Variants in CCDC47 observed in about 807,000 individuals in gnomAD.
CCDC47 encodes the protein coiled-coil domain containing 47.
A neutral mutation model predicts 60.5 loss-of-function variants in CCDC47; 41 were observed. The ratio of observed to expected loss-of-function variants is 0.68; its 90% CI spans 0.53 to 0.88. The LOEUF is 0.88. Ranked by LOEUF, CCDC47 falls within the 40% of genes least tolerant of loss-of-function variation. The probability of loss-of-function intolerance (pLI) is 0.00; values close to 1 mark genes in which losing one functional copy is unlikely to be tolerated. For synonymous variants in CCDC47, 195 were observed against 190.7 expected (o/e 1.02, Z -0.18); for missense variants, 513 against 580.9 (o/e 0.88, Z 1.20).
chr17:63,765,342 T>C (rs969327386), intron 2 of CCDC47, among the ~76,000 whole-genome samples: 5 of 151,496 alleles, frequency 3.3e-5, no homozygotes, highest in African/African-American at 1.2e-4. Context: ...AAGTTTTTTC[T>C]TTTCTTTTTT....
At chr17:63,763,840 T>A (rs1221984111) in intron 4 of CCDC47, among the ~76,000 whole-genome samples, 176 bp downstream of exon 4, 1 of 148,016 alleles carries the variant, frequency 6.8e-6, no homozygotes, top group Admixed American at 6.8e-5. Flanking sequence ...GTAATAATAA[T>A]AATAAAATTA....
intron 3 of CCDC47, 144 bp from the exon 4 acceptor site, chr17:63,764,334 G>C: frequency 1.6e-6 from 1 of 629,318 alleles, no homozygotes; most frequent in East Asian, 2.9e-5. Context: ...TTGAAAAATA[G>C]GTCCATTTTA....
intron 6 of CCDC47, among the ~76,000 whole-genome samples, chr17:63,759,305 A>G (rs1171020772): frequency 6.7e-6 from 1 of 150,360 alleles, no homozygotes; most frequent in Non-Finnish European, 1.5e-5. Flanking sequence ...CCTGACCAAC[A>G]TGGTGAAACC....
rs749968136 is a variant in CCDC47 at position 63,754,488 on chromosome 17, T to G, written c.979A>C (p.Lys327Gln). Residue 327 changes from lysine to glutamine, a missense_variant, in exon 9 of 13, where the codon AAG becomes CAG. Lys to Gln is a moderately conservative substitution (Grantham distance 53, BLOSUM62 1). Transcript: ENST00000225726. ...TCTGAAAAATGAACAGATTCAATCT[T>G]GTCAGCATAGTGTGTAAGAAAGTGA... ...MVHFLTHYADKIESVHFSDQF... is the reference protein window; with the variant it reads ...MVHFLTHYADQIESVHFSDQF... The G allele has an allele frequency of 2.3e-5, 37 of 1,609,570 alleles. No individual in the cohort carries two copies. Among genetic ancestry groups the G allele is most frequent in the Non-Finnish European group, 3.0e-5 (35 of 1,177,730 alleles).
intron 11 of CCDC47, 85 bp from the exon 12 acceptor site, chr17:63,752,192 T>C: frequency 6.6e-7 from 1 of 1,507,094 alleles, no homozygotes; most frequent in South Asian, 1.2e-5. Flanking sequence ...TTCATAAAAC[T>C]ACTCCCATTT....
chr17:63,752,379 G>T lies in CCDC47; in HGVS notation c.1144C>A (p.Leu382Met), dbSNP rs769204764. Residue 382 changes from leucine to methionine, a missense_variant, in exon 11 of 13, where the codon CTG (leucine) becomes ATG (methionine). Coordinates refer to ENST00000225726, the MANE Select transcript of CCDC47 (RefSeq NM_020198.3). ...YPKDMEALLPLMNMVIYSIDK... is the reference protein window; with the variant it reads ...YPKDMEALLPMMNMVIYSIDK... ...ATAGAATAAATCACCATGTTCATCAGGGGTAGCAGTGCCTCCATATCCTTT... is the reference window on the plus strand; with the variant it reads ...ATAGAATAAATCACCATGTTCATCATGGGTAGCAGTGCCTCCATATCCTTT... 3 of 1,614,050 alleles carry T rather than the reference G, an allele frequency of 1.9e-6. No homozygotes were observed. The South Asian group carries it at 3.3e-5, about 18-fold the overall frequency.
At chr17:63,771,037 G>A (rs58940709) in intron 1 of CCDC47, among the ~76,000 whole-genome samples, 200 of 54,696 alleles carry the variant, frequency 3.7e-3, no homozygotes, top group African/African-American at 0.012. Flanking sequence ...AGGAAGGAAG[G>A]AAGGAAGGAA....
intron 4 of CCDC47, among the ~76,000 whole-genome samples, chr17:63,762,837 G>GA (rs1323752717): frequency 1.3e-5 from 2 of 150,746 alleles, no homozygotes; most frequent in African/African-American, 2.4e-5. Context: ...AACTTGTTTT[G>GA]AAAACATCGA....
chr17:63,756,107 T>A (rs745776311), intron 8 of CCDC47, 133 bp downstream of exon 8: 1 of 635,664 alleles, frequency 1.6e-6, no homozygotes, highest in Non-Finnish European at 2.8e-6. Context: ...GAAGGTATTT[T>A]AATATTTGTG....
At chr17:63,755,319 G>A (rs1248416064) in intron 8 of CCDC47, 34 of 984,736 alleles carry the variant, frequency 3.5e-5, no homozygotes, top group Non-Finnish European at 3.9e-5. Flanking sequence ...AATCTCTTTA[G>A]AATTAAAGTA....
At chr17:63,765,790 C>T in intron 2 of CCDC47, 122 bp downstream of exon 2, 2 of 1,347,396 alleles carry the variant, frequency 1.5e-6, no homozygotes, top group Non-Finnish European at 2.0e-6. Flanking sequence ...AAGAGCTCTA[C>T]CTAGTGAATG....
At chr17:63,747,850 A>C (rs2144464372) in intron 12 of CCDC47, 2 of 942,306 alleles carry the variant, frequency 2.1e-6, no homozygotes, top group Non-Finnish European at 2.5e-6. Context: ...TGACTGTCTT[A>C]GGTTTTTTCT....
At chr17:63,747,720 A>G (rs1397653322) in intron 12 of CCDC47, 1 of 984,946 alleles carries the variant, frequency 1.0e-6, no homozygotes, top group African/African-American at 1.7e-5. Flanking sequence ...AATATACTCA[A>G]CTGGTACAGG....
chr17:63,766,316 A>G, intron 1 of CCDC47, 122 bp from the exon 2 acceptor site: 2 of 899,898 alleles, frequency 2.2e-6, no homozygotes, highest in Non-Finnish European at 3.2e-6. Context: ...TTAGATTCAG[A>G]CCACATTATA....
At chr17:63,761,130 G>A (rs2039255863) in intron 5 of CCDC47, 100 bp downstream of exon 5, 1 of 1,497,008 alleles carries the variant, frequency 6.7e-7, no homozygotes, top group African/African-American at 1.4e-5. Context: ...CTCATTTTAA[G>A]TCAAACATGA....
Position 63,756,308 on chromosome 17 carries a change from C to T in CCDC47, c.880G>A (p.Gly294Arg). 1 of 1,614,162 alleles carries T rather than the reference C, an allele frequency of 6.2e-7. No homozygotes were observed. ...AGGATGGCCAAAGAGTCCGGCAGTCCATACTTTGCTCCAGACTTAGGTTTA... is the reference window on the plus strand; with the variant it reads ...AGGATGGCCAAAGAGTCCGGCAGTCTATACTTTGCTCCAGACTTAGGTTTA... ...SDKPKSGAKYGLPDSLAILSE... is the reference protein window; with the variant it reads ...SDKPKSGAKYRLPDSLAILSE... The change falls in exon 8 of 13, where the codon GGA becomes AGA. Residue 294 changes from glycine (G) to arginine (R), a missense_variant. By Grantham distance (125) the Gly-to-Arg change is moderately radical (BLOSUM62 -2). Transcript: ENST00000225726.
At chr17:63,761,419 C>A in intron 4 of CCDC47, 68 bp from the exon 5 acceptor site, 2 of 1,575,266 alleles carry the variant, frequency 1.3e-6, no homozygotes, top group South Asian at 1.1e-5. Context: ...TGGTGGCTCA[C>A]GCCTATAATC....
At chr17:63,749,453 GA>G (rs34119562) in intron 12 of CCDC47, among the ~76,000 whole-genome samples, 6,510 of 101,230 alleles carry the variant, frequency 0.064, 326 homozygotes, top group African/African-American at 0.16. Context: ...CCAGAATAAG[GA>G]AAAAAAAAAA....
At chr17:63,749,917 T>C (rs1249214212) in intron 12 of CCDC47, among the ~76,000 whole-genome samples, 2 of 152,074 alleles carry the variant, frequency 1.3e-5, no homozygotes, top group Non-Finnish European at 2.9e-5. Flanking sequence ...ATTTTGCCAC[T>C]GTACTCTAGC....
Sources: gnomAD v4.1 joint callset for allele counts (sites outside exome capture counted in the v4.1 genomes callset) on GRCh38, gnomAD v4.1.1 for gene constraint, MANE v1.5 for transcripts, NCBI Gene and HGNC (gene_info 2026-07-23, HGNC 2026-07-21) for gene names.